Variants in VRK1 observed in about 807,000 individuals in gnomAD.
VRK1 encodes the protein serine/threonine-protein kinase VRK1.
In VRK1, 33 loss-of-function variants were observed where a neutral mutation model predicts 57.1. The observed-to-expected ratio is 0.58, with a 90% confidence interval of 0.44 to 0.77. VRK1 has a LOEUF of 0.77. VRK1 is among the 30% of genes least tolerant of loss of function. The pLI, the probability that VRK1 is intolerant of heterozygous loss-of-function variation, is 0.00. For synonymous variants in VRK1, 137 were observed against 147.8 expected (o/e 0.93, Z 0.53); for missense variants, 413 against 477.3 (o/e 0.87, Z 1.25).
chr14:96,824,683 T>C (rs1045291297), intron 1 of VRK1, among the ~76,000 whole-genome samples: 17 of 147,994 alleles, frequency 1.1e-4, no homozygotes, highest in South Asian at 2.2e-4. Context: ...TTTTTTTTTT[T>C]CCCTCTGTCG....
At chr14:96,820,280 T>G (rs897125059) in intron 1 of VRK1, among the ~76,000 whole-genome samples, 1 of 152,138 alleles carries the variant, frequency 6.6e-6, no homozygotes, top group Non-Finnish European at 1.5e-5. Context: ...TTATAGAGCT[T>G]TTTCACCTTC....
chr14:96,864,272 T>A (rs1039894616), intron 11 of VRK1, among the ~76,000 whole-genome samples: 3 of 152,224 alleles, frequency 2.0e-5, no homozygotes, highest in African/African-American at 7.2e-5. Flanking sequence ...GAAAAGTACA[T>A]GAATAAGTAC....
At chr14:96,823,761 C>A (rs1886693916) in intron 1 of VRK1, among the ~76,000 whole-genome samples, 2 of 152,214 alleles carry the variant, frequency 1.3e-5, no homozygotes, top group African/African-American at 4.8e-5. Flanking sequence ...TACCACTAAA[C>A]AACAACTCTC....
At chr14:96,830,401 C>G (rs1280211411) in intron 1 of VRK1, among the ~76,000 whole-genome samples, 5 of 151,376 alleles carry the variant, frequency 3.3e-5, no homozygotes, top group African/African-American at 1.2e-4. Context: ...TTCCTTTTCA[C>G]TTTCTATTTC....
At chr14:96,824,957 A>G (rs1456760670) in intron 1 of VRK1, among the ~76,000 whole-genome samples, 5 of 152,120 alleles carry the variant, frequency 3.3e-5, no homozygotes, top group Non-Finnish European at 5.9e-5. Flanking sequence ...CCGGCCAAAA[A>G]CATTAATTTT....
chr14:96,837,057 A>G (rs1214840829), intron 2 of VRK1, among the ~76,000 whole-genome samples: 1 of 152,146 alleles, frequency 6.6e-6, no homozygotes, highest in East Asian at 1.9e-4. Context: ...GCATCTTACC[A>G]CTGAAATGGT....
chr14:96,876,220 A>T, intron 12 of VRK1, 100 bp downstream of exon 12: 1 of 1,062,460 alleles, frequency 9.4e-7, no homozygotes, highest in South Asian at 1.3e-5. Flanking sequence ...TGACCTTTTG[A>T]TTTTATAATA....
intron 2 of VRK1, among the ~76,000 whole-genome samples, chr14:96,836,466 A>G (rs1478108509): frequency 1.4e-5 from 2 of 146,730 alleles, no homozygotes; most frequent in African/African-American, 5.1e-5. Context: ...TCCCCCAGCT[A>G]CTTTTGCCTC....
intron 1 of VRK1, among the ~76,000 whole-genome samples, chr14:96,819,522 G>A (rs911789853): frequency 6.6e-6 from 1 of 152,144 alleles, no homozygotes. Flanking sequence ...TGATAATTAG[G>A]TTGGTGCACA....
At chr14:96,864,390 A>G (rs1364817316) in intron 11 of VRK1, among the ~76,000 whole-genome samples, 2 of 152,190 alleles carry the variant, frequency 1.3e-5, no homozygotes, top group Admixed American at 6.5e-5. Flanking sequence ...ATCATATATT[A>G]CATACTCTTT....
chr14:96,844,942 G>C (rs1313116642), intron 3 of VRK1, among the ~76,000 whole-genome samples: 1 of 152,158 alleles, frequency 6.6e-6, no homozygotes, highest in African/African-American at 2.4e-5. Flanking sequence ...TTCTACAGTT[G>C]AGGGTATCTT....
chr14:96,838,004 T>G (rs1009915107), intron 3 of VRK1, among the ~76,000 whole-genome samples, 187 bp downstream of exon 3: 5 of 152,064 alleles, frequency 3.3e-5, no homozygotes, highest in Non-Finnish European at 7.4e-5. Flanking sequence ...GAAAAGTTCC[T>G]CTCTTGAAAT....
intron 5 of VRK1, among the ~76,000 whole-genome samples, chr14:96,849,153 C>G (rs948152717): frequency 6.6e-6 from 1 of 152,084 alleles, no homozygotes; most frequent in African/African-American, 2.4e-5. Context: ...TGCTCTTGAG[C>G]AAGGGATGAG....
intron 1 of VRK1, among the ~76,000 whole-genome samples, chr14:96,801,747 AAAG>A (rs1476925045): frequency 6.6e-6 from 1 of 152,254 alleles, no homozygotes; most frequent in Non-Finnish European, 1.5e-5. Flanking sequence ...AAGCTAGAGA[AAAG>A]AAAATATTAT....
chr14:96,865,760 TG>T (rs765219026), intron 11 of VRK1, among the ~76,000 whole-genome samples: 125 of 148,784 alleles, frequency 8.4e-4, no homozygotes, highest in African/African-American at 1.5e-3. Flanking sequence ...TTAATTCTTC[TG>T]TTTTTTTTTT....
chr14:96,849,895 C>G (rs951490737), intron 5 of VRK1, among the ~76,000 whole-genome samples: 1 of 152,102 alleles, frequency 6.6e-6, no homozygotes, highest in Non-Finnish European at 1.5e-5. Flanking sequence ...TTGTGTGACT[C>G]CTGTGAGGTG....
At chr14:96,848,236 A>G (rs1340412687) in intron 5 of VRK1, among the ~76,000 whole-genome samples, 6 of 152,164 alleles carry the variant, frequency 3.9e-5, no homozygotes, top group South Asian at 2.1e-4. Context: ...TAGGCTTCAC[A>G]TGCAGGCACA....
chr14:96,849,257 A>T (rs1008422729), intron 5 of VRK1, among the ~76,000 whole-genome samples: 3 of 152,128 alleles, frequency 2.0e-5, no homozygotes, highest in African/African-American at 7.2e-5. Context: ...ACCCTTAGTG[A>T]TGACTTGCTA....
chr14:96,859,478 A>T (rs961464453), intron 10 of VRK1, among the ~76,000 whole-genome samples: 1 of 152,180 alleles, frequency 6.6e-6, no homozygotes, highest in Non-Finnish European at 1.5e-5. Context: ...ATGTTTTATC[A>T]TACATGGTGA....
Sources: allele counts gnomAD v4.1 joint callset (sites outside exome capture counted in the v4.1 genomes callset), GRCh38; gene constraint gnomAD v4.1.1; transcripts MANE v1.5; gene names NCBI Gene and HGNC (gene_info 2026-07-23, HGNC 2026-07-21).